Variants in STAMBP observed in about 807,000 individuals in gnomAD.
The protein encoded by STAMBP is STAM-binding protein.
In STAMBP, 31 loss-of-function variants were observed where a neutral mutation model predicts 50.7. The ratio of observed to expected loss-of-function variants is 0.61; its 90% CI spans 0.46 to 0.83. The LOEUF is 0.83. STAMBP is among the 40% of genes least tolerant of loss of function. The pLI is 0.00. For missense variants in STAMBP, 472 were observed against 518.9 expected (o/e 0.91, Z 0.88); for synonymous variants, 211 against 192.4 (o/e 1.10, Z -0.80).
chr2:73,847,285 CAGA>C (rs1676233993), intron 4 of STAMBP, 99 bp from the exon 5 acceptor site: 2 of 1,415,614 alleles, frequency 1.4e-6, no homozygotes, highest in Non-Finnish European at 1.9e-6. Flanking sequence ...CAGGCCACAG[CAGA>C]AGTACATTTT....
chr2:73,834,237 ATATATATAT>A lies in STAMBP; in HGVS notation c.203+3179_203+3187del, dbSNP rs1304710039. 6.0e-3 allele frequency among the ~76,000 whole-genome samples: 67 copies of A among 11,172 alleles called. 1 individual carries two copies. Among genetic ancestry groups the A allele is most frequent in the Non-Finnish European group, 6.1e-3 (44 of 7,212 alleles). The allele number at this position is 11,172 out of a possible 152,430, so 7.3% of individuals were successfully genotyped here. A position where few individuals can be genotyped will look rare whatever the true frequency, so the allele number is the denominator to read the frequency against. On this transcript the variant is annotated intron_variant, in intron 2 of 9. Coordinates refer to ENST00000394070, the MANE Select transcript of STAMBP (RefSeq NM_213622.4). ...AAAAAAAAAAAAAAAAAAAAAAAAA[ATATATATAT>A]ATATATATATATATATATATATATA...
intron 8 of STAMBP, 66 bp downstream of exon 8, chr2:73,859,432 A>G (rs1261735866): frequency 7.9e-7 from 1 of 1,263,858 alleles, no homozygotes; most frequent in African/African-American, 1.5e-5. Context: ...CTCAGGGGAA[A>G]AGGTCTCTAT....
intron 7 of STAMBP, among the ~76,000 whole-genome samples, chr2:73,858,309 T>G (rs893648646): frequency 4.6e-5 from 7 of 151,768 alleles, no homozygotes; most frequent in Admixed American, 4.6e-4. Context: ...CAGCCAACTT[T>G]TGTATTTTTA....
chr2:73,835,157 C>A (rs1674555758), intron 2 of STAMBP, among the ~76,000 whole-genome samples: 1 of 152,102 alleles, frequency 6.6e-6, no homozygotes, highest in Non-Finnish European at 1.5e-5. Context: ...AGTTCAAGGC[C>A]AGCCTGGCCA....
chr2:73,834,236 AATATATATATATATATATATATATATAT>A (rs148699255), intron 2 of STAMBP, among the ~76,000 whole-genome samples: 2 of 36,414 alleles, frequency 5.5e-5, no homozygotes, highest in South Asian at 1.5e-3. Flanking sequence ...AAAAAAAAAA[AATATATATATATATATATATATATATAT>A]ATATATATAT....
At chr2:73,847,309 A>C (rs1676237453) in intron 4 of STAMBP, 78 bp from the exon 5 acceptor site, 16 of 1,509,214 alleles carry the variant, frequency 1.1e-5, no homozygotes, top group East Asian at 2.3e-5. Context: ...GGAAATCTCC[A>C]TGCTAAAAAG....
chr2:73,860,378 G>A lies in STAMBP; in HGVS notation c.1218+227G>A, dbSNP rs114242468. ...TTGATTGGGCTACTTACCGTTCCTG[G>A]GCCTCAGTTTTCCCATCTATAAAAT... On this transcript the variant is annotated intron_variant, in intron 9 of 9. Coordinates refer to ENST00000394070, the MANE Select transcript of STAMBP (RefSeq NM_213622.4). 0.03 allele frequency among the ~76,000 whole-genome samples: 4,541 copies of A among 152,140 alleles called. 229 individuals are homozygous for A. The highest frequency in any genetic ancestry group is 0.1 in the African/African-American group (4,265 of 41,474).
At chr2:73,873,047 A>G (rs1299759199) in intron 10 of STAMBP, among the ~76,000 whole-genome samples, 9 of 152,212 alleles carry the variant, frequency 5.9e-5, no homozygotes, top group Admixed American at 5.9e-4. Flanking sequence ...GGTAAATGTA[A>G]TTCTACTGGA....
intron 7 of STAMBP, among the ~76,000 whole-genome samples, chr2:73,852,917 GGTGT>G (rs56684009): frequency 0.012 from 1,450 of 122,802 alleles, 15 homozygotes; most frequent in South Asian, 0.017. Flanking sequence ...ATGTTGGCCA[GGTGT>G]GTGTGTGTGT....
chr2:73,837,431 A>G lies in STAMBP; in HGVS notation c.203+6372A>G, dbSNP rs999813706. Among the ~76,000 whole-genome samples the G allele has an allele frequency of 6.9e-5, 6 of 87,106 alleles. 1 individual carries two copies. The highest frequency in any genetic ancestry group is 2.5e-4 in the African/African-American group (6 of 24,446). 57.1% of individuals were successfully genotyped at this position (87,106 alleles called of 152,430 possible). On this transcript the variant is annotated intron_variant, in intron 2 of 9. Coordinates refer to ENST00000394070, the MANE Select transcript of STAMBP (RefSeq NM_213622.4). The stretch of plus-strand genomic sequence containing the variant: ...AAACCCCATCTCTACTAAAAATACA[A>G]AAAATAAGCCTGGCATGGTGGCAGG...
chr2:73,838,862 T>C (rs980632435), intron 2 of STAMBP, among the ~76,000 whole-genome samples: 1 of 152,230 alleles, frequency 6.6e-6, no homozygotes, highest in East Asian at 1.9e-4. Flanking sequence ...ACCTTCACTT[T>C]TCTTGGAGAT....
At position 73,864,625 on chromosome 2, in the gene STAMBP, T is replaced by C. The variant is rs1230423231; in HGVS notation, c.*2366T>C. On this transcript the variant is annotated 3_prime_UTR_variant, in exon 10 of 10. Coordinates refer to ENST00000394070, the MANE Select transcript of STAMBP (RefSeq NM_213622.4). The stretch of plus-strand genomic sequence containing the variant: ...AGACCACGCAACCTGAGGAAAGACA[T>C]TGTATTGAAAGGGTAATGACTATTT... 6.6e-6 allele frequency: 1 copy of C among 152,162 alleles called. No homozygotes were observed. Among genetic ancestry groups the C allele is most frequent in the East Asian group, 1.9e-4 (1 of 5,200 alleles). 9.4% of individuals were successfully genotyped at this position (152,162 alleles called of 1,614,324 possible).
intron 2 of STAMBP, among the ~76,000 whole-genome samples, chr2:73,831,751 T>C (rs1006103261): frequency 6.6e-6 from 1 of 152,186 alleles, no homozygotes; most frequent in Non-Finnish European, 1.5e-5. Context: ...AAAATAATTA[T>C]AATGTATTTG....
intron 2 of STAMBP, among the ~76,000 whole-genome samples, chr2:73,838,586 C>T (rs1265850799): frequency 6.6e-6 from 1 of 152,134 alleles, no homozygotes; most frequent in Non-Finnish European, 1.5e-5. Context: ...CCTCAGAAGT[C>T]AAGAGGGGAT....
In STAMBP at chr2:73,845,164, C is replaced by T; in HGVS notation, c.280-3C>T. ...TAATTCTATTTTCTGTTTTGTGTCT[C>T]AGAAATTAAAGGAGATTGCATTTCC... On this transcript the variant is annotated splice_polypyrimidine_tract_variant and splice_region_variant and intron_variant, in intron 3 of 9. Transcript: ENST00000394070. 1 of 1,613,098 alleles carries T rather than the reference C, an allele frequency of 6.2e-7. No homozygotes were observed. Among genetic ancestry groups the T allele is most frequent in the South Asian group, 1.1e-5 (1 of 90,894 alleles).
intron 5 of STAMBP, 143 bp from the exon 6 acceptor site, chr2:73,849,220 A>T: frequency 8.3e-7 from 1 of 1,206,658 alleles, no homozygotes; most frequent in South Asian, 1.4e-5. Flanking sequence ...TTTTGGTGCC[A>T]TTAGAATGAG....
intron 2 of STAMBP, among the ~76,000 whole-genome samples, chr2:73,844,065 C>T (rs1013491976): frequency 2.6e-5 from 4 of 152,176 alleles, no homozygotes; most frequent in African/African-American, 9.7e-5. Flanking sequence ...TGACAGGTTA[C>T]TGGACTTTTA....
At chr2:73,858,522 G>GA (rs1303184641) in intron 7 of STAMBP, among the ~76,000 whole-genome samples, 1 of 152,074 alleles carries the variant, frequency 6.6e-6, no homozygotes, top group East Asian at 1.9e-4. Context: ...TGTGGAATGG[G>GA]AAAATCAAGC....
intron 2 of STAMBP, among the ~76,000 whole-genome samples, chr2:73,834,236 A>AATATATAT (rs148699255): frequency 1.4e-4 from 5 of 36,400 alleles, no homozygotes; most frequent in African/African-American, 8.2e-4. Flanking sequence ...AAAAAAAAAA[A>AATATATAT]ATATATATAT....
Sources: gnomAD v4.1 joint callset for allele counts (sites outside exome capture counted in the v4.1 genomes callset) on GRCh38, gnomAD v4.1.1 for gene constraint, MANE v1.5 for transcripts, NCBI Gene and HGNC (gene_info 2026-07-23, HGNC 2026-07-21) for gene names.